AR: variants seen among roughly 807,000 people sequenced by gnomAD.
AR encodes the protein androgen receptor.
In AR, 8 loss-of-function variants were observed where a neutral mutation model predicts 53.9. That is an observed-to-expected ratio of 0.15 (90% CI 0.09 to 0.27). The LOEUF (loss-of-function observed/expected upper bound fraction) is 0.27, where lower values mean the gene tolerates loss of function less well. Among genes scored for constraint, AR ranks in the 10% least tolerant of loss-of-function variants. The pLI is 1.00. For missense variants in AR, 639 were observed against 742.5 expected (o/e 0.86, Z 1.62); for synonymous variants, 359 against 316.4 (o/e 1.13, Z -1.43).
At chrX:67,559,551 A>C (rs1183479087) in intron 1 of AR, among the ~76,000 whole-genome samples, 1 of 112,446 alleles carries the variant, frequency 8.9e-6, no homozygotes, top group East Asian at 2.8e-4. Context: ...TGTGGTTGTC[A>C]GATAACCTTT....
chrX:67,621,354 T>G (rs181334094), intron 1 of AR, among the ~76,000 whole-genome samples: 1 of 111,505 alleles, frequency 9.0e-6, no homozygotes, highest in Admixed American at 9.5e-5. Flanking sequence ...TGTTGTTGTT[T>G]TTGTTTGTTT....
rs2147317832 is a variant in AR, at chrX:67,545,829, G to A, written c.683G>A (p.Gly228Asp). Residue 228 changes from glycine to aspartate, a missense_variant, in exon 1 of 8, where the codon GGC becomes GAC. By Grantham distance (94) the Gly-to-Asp change is moderately conservative. Around this residue, in one of 5 missense-constraint regions of AR, gnomAD observed 423 missense variants for 377.0 expected, o/e 1.12. Transcript: ENST00000374690. ...PTSSKDNYLGGTSTISDNAKE... is the reference protein window; with the variant it reads ...PTSSKDNYLGDTSTISDNAKE... ...TCCTCCAAGGACAATTACTTAGGGG[G>A]CACTTCGACCATTTCTGACAACGCC... The A allele has an allele frequency of 1.6e-6, 2 of 1,212,187 alleles. No homozygotes were observed. Among genetic ancestry groups the A allele is most frequent in the South Asian group, 1.8e-5 (1 of 57,014 alleles).
chrX:67,651,711 G>A (rs763049081), intron 2 of AR, among the ~76,000 whole-genome samples: 21 of 111,900 alleles, frequency 1.9e-4, no homozygotes, highest in African/African-American at 5.8e-4. Context: ...ACCAAGTATC[G>A]CTAACATCAC....
intron 1 of AR, among the ~76,000 whole-genome samples, chrX:67,587,918 A>G (rs1458664458): frequency 2.7e-5 from 3 of 109,341 alleles, no homozygotes; most frequent in African/African-American, 1.0e-4. Flanking sequence ...GACATTCAGT[A>G]GTTATTCACA....
chrX:67,630,106 T>C (rs1022251334), intron 1 of AR, among the ~76,000 whole-genome samples: 99 of 111,373 alleles, frequency 8.9e-4, no homozygotes, highest in Admixed American at 3.1e-3. Context: ...GAAAAAAATG[T>C]ATATTCTGTT....
intron 1 of AR, among the ~76,000 whole-genome samples, chrX:67,632,550 T>C (rs1925213426): frequency 8.9e-6 from 1 of 112,036 alleles, no homozygotes; most frequent in African/African-American, 3.2e-5. Context: ...TGGCACTCCC[T>C]AGTGAGATGA....
intron 1 of AR, among the ~76,000 whole-genome samples, chrX:67,598,244 T>C (rs2083720915): frequency 9.1e-6 from 1 of 109,976 alleles, no homozygotes; most frequent in Non-Finnish European, 1.9e-5. Context: ...ACTGCTTAAA[T>C]AAGCACCTCT....
intron 2 of AR, among the ~76,000 whole-genome samples, chrX:67,683,190 C>G (rs1231280472): frequency 2.7e-5 from 3 of 111,782 alleles, no homozygotes; most frequent in Non-Finnish European, 5.6e-5. Context: ...TTGCATGTGA[C>G]TGGCAACATC....
At chrX:67,680,554 G>T (rs898088516) in intron 2 of AR, among the ~76,000 whole-genome samples, 1 of 111,415 alleles carries the variant, frequency 9.0e-6, no homozygotes, top group Non-Finnish European at 1.9e-5. Context: ...TGTTCATATA[G>T]GTCCTGCATT....
At chrX:67,599,824 C>A (rs1000890432) in intron 1 of AR, among the ~76,000 whole-genome samples, 1 of 112,069 alleles carries the variant, frequency 8.9e-6, no homozygotes, top group Non-Finnish European at 1.9e-5. Context: ...TCCAAACTTA[C>A]AATTTTACAT....
chrX:67,639,636 T>C (rs1180197930), intron 1 of AR, among the ~76,000 whole-genome samples: 1 of 111,746 alleles, frequency 8.9e-6, no homozygotes, highest in Non-Finnish European at 1.9e-5. Flanking sequence ...TATTGGTGTA[T>C]AGGAATGCTT....
intron 2 of AR, among the ~76,000 whole-genome samples, chrX:67,651,961 C>CATAA (rs761600599): frequency 2.7e-5 from 3 of 111,410 alleles, no homozygotes; most frequent in African/African-American, 9.8e-5. Flanking sequence ...AATTTTGCTC[C>CATAA]TTATGACCAA....
chrX:67,637,822 C>CT (rs1178085160), intron 1 of AR, among the ~76,000 whole-genome samples: 1 of 110,400 alleles, frequency 9.1e-6, no homozygotes, highest in African/African-American at 3.3e-5. Context: ...TATCTGATAA[C>CT]TTTTTTTTCT....
intron 1 of AR, among the ~76,000 whole-genome samples, chrX:67,549,364 T>A (rs1929906717): frequency 8.9e-6 from 1 of 111,747 alleles, no homozygotes; most frequent in African/African-American, 3.3e-5. Context: ...TGTGGAGGGG[T>A]TTTTTTAAAC....
chrX:67,657,850 T>C (rs1926662693), intron 2 of AR, among the ~76,000 whole-genome samples: 1 of 112,072 alleles, frequency 8.9e-6, no homozygotes, highest in South Asian at 3.7e-4. Flanking sequence ...TATACTCAGG[T>C]TGTATTCATG....
intron 2 of AR, among the ~76,000 whole-genome samples, chrX:67,684,843 T>A (rs1032045144): frequency 4.5e-5 from 5 of 111,374 alleles, no homozygotes; most frequent in African/African-American, 1.3e-4. Flanking sequence ...GGAAAGCTGA[T>A]GTATAGTTAA....
At chrX:67,671,978 C>T (rs2075868287) in intron 2 of AR, among the ~76,000 whole-genome samples, 1 of 111,198 alleles carries the variant, frequency 9.0e-6, no homozygotes, top group Non-Finnish European at 1.9e-5. Flanking sequence ...GGTACCAGTA[C>T]CATGCTGTTT....
intron 1 of AR, among the ~76,000 whole-genome samples, chrX:67,589,295 A>T (rs1217815723): frequency 1.8e-5 from 2 of 109,818 alleles, no homozygotes; most frequent in African/African-American, 6.6e-5. Context: ...AAAGAAGTCC[A>T]CTGTTAGTAT....
At chrX:67,639,301 C>T (rs1925620678) in intron 1 of AR, among the ~76,000 whole-genome samples, 1 of 111,925 alleles carries the variant, frequency 8.9e-6, no homozygotes, top group African/African-American at 3.3e-5. Flanking sequence ...GCTATGCAGG[C>T]TCTTTATTGG....
Sources: gnomAD v4.1 joint callset for allele counts (sites outside exome capture counted in the v4.1 genomes callset) on GRCh38, gnomAD v4.1.1 for gene constraint, gnomAD v4.1.1 regional missense constraint, MANE v1.5 for transcripts, NCBI Gene and HGNC (gene_info 2026-07-23, HGNC 2026-07-21) for gene names.